Variants in FKBP5 observed in about 807,000 individuals in gnomAD.
FKBP5 encodes peptidyl-prolyl cis-trans isomerase FKBP5.
Under a neutral mutation model 50.5 loss-of-function variants are expected in FKBP5, and 23 were observed. The observed-to-expected ratio is 0.46, with a 90% confidence interval of 0.33 to 0.65. The LOEUF (loss-of-function observed/expected upper bound fraction) is 0.65. FKBP5 is among the 30% of genes least tolerant of loss of function. The pLI is 0.02. For missense variants in FKBP5, 411 were observed against 553.1 expected, an observed-to-expected ratio of 0.74 and a Z score of 2.58; for synonymous variants, 176 against 190.6, an observed-to-expected ratio of 0.92 and a Z score of 0.63.
In FKBP5 at chr6:35,582,132, G is replaced by C. The variant is rs746449289; in HGVS notation, c.841-1911C>G. 4 of 985,084 alleles carry C rather than the reference G, an allele frequency of 4.1e-6. No homozygotes were observed. In the African/African-American group the frequency reaches 7.0e-5, roughly 17 times the overall value. 61.0% of individuals were successfully genotyped at this position (985,084 alleles called of 1,614,324 possible). A position where few individuals can be genotyped will look rare whatever the true frequency, so the allele number is the denominator to read the frequency against. On this transcript the variant is annotated intron_variant, in intron 8 of 10. Coordinates refer to ENST00000357266, the MANE Select transcript of FKBP5 (RefSeq NM_004117.4). Reference sequence around the variant, plus strand: ...GAATGAGGGCCAGGCTACATCCCTCGAACATCCTTCTTCCCAAGTCACTCA... The same window carrying C: ...GAATGAGGGCCAGGCTACATCCCTCCAACATCCTTCTTCCCAAGTCACTCA...
At chr6:35,722,592 C>T (rs1224293615) in intron 1 of FKBP5, among the ~76,000 whole-genome samples, 1 of 152,214 alleles carries the variant, frequency 6.6e-6, no homozygotes, top group Non-Finnish European at 1.5e-5. Flanking sequence ...TCTCCCCGGG[C>T]TCTCCAACCT....
At chr6:35,677,489 A>T (rs748045977) in intron 1 of FKBP5, among the ~76,000 whole-genome samples, 4 of 152,226 alleles carry the variant, frequency 2.6e-5, no homozygotes, top group Non-Finnish European at 5.9e-5. Context: ...CCATGAAAAC[A>T]CTAGAAAGTC....
At chr6:35,590,658 C>T (rs972925623) in intron 7 of FKBP5, among the ~76,000 whole-genome samples, 12 of 151,964 alleles carry the variant, frequency 7.9e-5, no homozygotes, top group African/African-American at 2.2e-4. Flanking sequence ...GCCTAGTGGC[C>T]CTCGAGGACT....
intron 8 of FKBP5, chr6:35,583,555 G>A: frequency 1.0e-6 from 1 of 985,374 alleles, no homozygotes; most frequent in Non-Finnish European, 1.2e-6. Context: ...AGGTACTAAA[G>A]CAGTTCTCAA....
chr6:35,586,255 G>A, intron 8 of FKBP5: 7 of 985,090 alleles, frequency 7.1e-6, no homozygotes, highest in Non-Finnish European at 8.4e-6. Flanking sequence ...ATCTAAGTGA[G>A]AAAATATCAC....
At chr6:35,588,460 A>T (rs147983225) in intron 7 of FKBP5, among the ~76,000 whole-genome samples, 1 of 152,222 alleles carries the variant, frequency 6.6e-6, no homozygotes, top group Admixed American at 6.5e-5. Flanking sequence ...CCAAAAAACA[A>T]AAACAAAGAA....
intron 3 of FKBP5, 68 bp from the exon 4 acceptor site, chr6:35,620,342 C>T: frequency 1.3e-6 from 2 of 1,543,552 alleles, no homozygotes; most frequent in Non-Finnish European, 1.8e-6. Context: ...TTCATAAAAC[C>T]AAAGTTCTAA....
At chr6:35,597,032 C>G (rs780657878) in intron 6 of FKBP5, among the ~76,000 whole-genome samples, 4 of 152,174 alleles carry the variant, frequency 2.6e-5, no homozygotes, top group Non-Finnish European at 4.4e-5. Context: ...GGCTGTAAGA[C>G]CTGTTCTGAA....
intron 2 of FKBP5, among the ~76,000 whole-genome samples, chr6:35,718,212 C>T (rs562183829): frequency 5.3e-5 from 8 of 152,184 alleles, no homozygotes; most frequent in Admixed American, 2.0e-4. Context: ...GCATTCCAGG[C>T]GGCAGAAACA....
chr6:35,601,896 C>A (rs1180402340), intron 5 of FKBP5, among the ~76,000 whole-genome samples: 6 of 152,040 alleles, frequency 3.9e-5, no homozygotes, highest in Non-Finnish European at 5.9e-5. Flanking sequence ...GACTTAAAGA[C>A]TATGTAACTT....
intron 1 of FKBP5, among the ~76,000 whole-genome samples, chr6:35,670,565 T>A (rs370541105): frequency 1.1e-3 from 166 of 151,624 alleles, no homozygotes; most frequent in African/African-American, 3.7e-3. Context: ...CCGACTCTAC[T>A]AAAAATACAA....
At chr6:35,613,130 C>T (rs1041437388) in intron 5 of FKBP5, among the ~76,000 whole-genome samples, 1 of 152,242 alleles carries the variant, frequency 6.6e-6, no homozygotes, top group African/African-American at 2.4e-5. Context: ...AATCACGTAT[C>T]TATAACAACA....
At chr6:35,713,313 A>T (rs1243494039) in intron 2 of FKBP5, among the ~76,000 whole-genome samples, 1 of 152,044 alleles carries the variant, frequency 6.6e-6, no homozygotes, top group Non-Finnish European at 1.5e-5. Context: ...TGTGGCCTAG[A>T]AGAGGGACAG....
intron 2 of FKBP5, among the ~76,000 whole-genome samples, chr6:35,706,486 G>T (rs1031001359): frequency 6.6e-6 from 1 of 151,610 alleles, no homozygotes; most frequent in Non-Finnish European, 1.5e-5. Context: ...AGAGGATACT[G>T]CACCTCACTC....
rs941101383 is a variant in FKBP5 at position 35,599,072 on chromosome 6, T to A, written c.509-1668A>T. Among the ~76,000 whole-genome samples the A allele has an allele frequency of 2.7e-5, 4 of 149,402 alleles. No individual in the cohort carries two copies. In the South Asian group the frequency reaches 8.5e-4, roughly 32 times the overall value. ...ATAGCCTATATTCAAATCTAGAGAT[T>A]TCCTAAAATGCTTCTTTTCTAACAC... On this transcript the variant is annotated intron_variant, in intron 5 of 10. Coordinates refer to ENST00000357266, the MANE Select transcript of FKBP5 (RefSeq NM_004117.4).
Position 35,619,197 on chromosome 6 carries a change from T to C in FKBP5, c.407A>G (p.Asp136Gly). The change falls in exon 5 of 11, where the codon GAT becomes GGT. Residue 136 changes from aspartate to glycine, a missense_variant. By Grantham distance (94) the Asp-to-Gly change is moderately conservative. Coordinates refer to ENST00000357266, the MANE Select transcript of FKBP5 (RefSeq NM_004117.4). ...TTCAAATAAATCCTCTCCTTTGAAATCAAGGAGCTCAATCTAGAAAGAAAA... is the reference window on the plus strand; with the variant it reads ...TTCAAATAAATCCTCTCCTTTGAAACCAAGGAGCTCAATCTAGAAAGAAAA... ...ATLFFEIELL[D>G]FKGEDLFEDG... 1 of 1,609,848 alleles carries C rather than the reference T, an allele frequency of 6.2e-7. No individual in the cohort carries two copies. The highest frequency in any genetic ancestry group is 2.2e-5 in the East Asian group (1 of 44,856).
intron 2 of FKBP5, among the ~76,000 whole-genome samples, chr6:35,638,951 G>A (rs1764401522): frequency 6.6e-6 from 1 of 152,096 alleles, no homozygotes; most frequent in Non-Finnish European, 1.5e-5. Context: ...ATGGCTACCA[G>A]AGAGTCAGAG....
intron 8 of FKBP5, chr6:35,583,660 G>A (rs1303327651): frequency 1.7e-5 from 15 of 882,650 alleles, no homozygotes; most frequent in Non-Finnish European, 2.0e-5. Flanking sequence ...CATCTAATGG[G>A]CAGAGGCCAG....
chr6:35,581,267 CAT>C (rs1280282336), intron 8 of FKBP5: 9 of 457,322 alleles, frequency 2.0e-5, no homozygotes, highest in African/African-American at 8.6e-5. Context: ...TAAATATAAA[CAT>C]ATATAATATA....
Sources: allele counts gnomAD v4.1 joint callset (sites outside exome capture counted in the v4.1 genomes callset), GRCh38; gene constraint gnomAD v4.1.1; transcripts MANE v1.5; gene names NCBI Gene and HGNC (gene_info 2026-07-23, HGNC 2026-07-21).